TTLL7: variants seen among roughly 807,000 people sequenced by gnomAD.
The protein encoded by TTLL7 is tubulin tyrosine ligase like 7.
In TTLL7, 53 loss-of-function variants were observed where a neutral mutation model predicts 120.2. That is an observed-to-expected ratio of 0.44 (90% CI 0.35 to 0.55). The LOEUF is 0.55. Among genes scored for constraint, TTLL7 ranks in the 20% least tolerant of loss-of-function variants. The pLI, the probability that TTLL7 is intolerant of heterozygous loss-of-function variation, is 0.00. For missense variants in TTLL7, 803 were observed against 1,054.7 expected (o/e 0.76, Z 3.31); for synonymous variants, 353 against 351.7 (o/e 1.00, Z -0.04).
At chr1:83,969,108 C>G (rs1446875499) in intron 1 of TTLL7, among the ~76,000 whole-genome samples, 1 of 151,904 alleles carries the variant, frequency 6.6e-6, no homozygotes. Context: ...AGAACACCAT[C>G]TGATGATATT....
chr1:83,991,538 G>A (rs1463970166), intron 1 of TTLL7, among the ~76,000 whole-genome samples: 1 of 152,112 alleles, frequency 6.6e-6, no homozygotes, highest in Non-Finnish European at 1.5e-5. Flanking sequence ...CAGCTACTCA[G>A]GGGGCTGAGG....
intron 1 of TTLL7, among the ~76,000 whole-genome samples, chr1:83,985,392 C>T (rs181944367): frequency 3.3e-5 from 5 of 152,314 alleles, no homozygotes; most frequent in Admixed American, 2.6e-4. Context: ...CTTCTGGCTG[C>T]TTTGTTCTAG....
At chr1:83,947,348 G>T in intron 5 of TTLL7, 66 bp from the exon 6 acceptor site, 2 of 1,395,968 alleles carry the variant, frequency 1.4e-6, no homozygotes, top group Non-Finnish European at 1.9e-6. Context: ...CTTTCTCTGG[G>T]CTACTGATAT....
At chr1:83,931,015 T>A (rs1659556472) in intron 9 of TTLL7, among the ~76,000 whole-genome samples, 1 of 150,974 alleles carries the variant, frequency 6.6e-6, no homozygotes, top group Non-Finnish European at 1.5e-5. Context: ...TTTTTTTTTT[T>A]AAGTTTTATG....
chr1:83,944,682 T>C (rs1475027202), intron 6 of TTLL7, among the ~76,000 whole-genome samples: 1 of 152,184 alleles, frequency 6.6e-6, no homozygotes, highest in Non-Finnish European at 1.5e-5. Context: ...CACTCCAGCC[T>C]GGGTGACTGA....
At chr1:83,892,928 G>GAGAAAGAAAGAAAGAAAGAA (rs1553129435) in intron 18 of TTLL7, among the ~76,000 whole-genome samples, 4 of 102,668 alleles carry the variant, frequency 3.9e-5, no homozygotes, top group African/African-American at 2.3e-4. Context: ...GAAAGAAAAA[G>GAGAAAGAAAGAAAGAAAGAA]AGAAAGAAAG....
At chr1:83,982,433 CTG>C (rs1652050648) in intron 1 of TTLL7, among the ~76,000 whole-genome samples, 1 of 151,782 alleles carries the variant, frequency 6.6e-6, no homozygotes, top group Non-Finnish European at 1.5e-5. Context: ...ATCAATGAAA[CTG>C]AAAACAGGAA....
chr1:83,895,379 C>G (rs1656122121), intron 18 of TTLL7, among the ~76,000 whole-genome samples: 1 of 152,138 alleles, frequency 6.6e-6, no homozygotes, highest in Non-Finnish European at 1.5e-5. Context: ...CTGTTCTAAG[C>G]ACTTTTACAT....
At chr1:83,873,177 AC>A (rs1259654748) in intron 20 of TTLL7, among the ~76,000 whole-genome samples, 1 of 152,202 alleles carries the variant, frequency 6.6e-6, no homozygotes, top group African/African-American at 2.4e-5. Flanking sequence ...AAAAGATGAA[AC>A]TTTTTATTAA....
chr1:83,953,231 T>G (rs1343276286), intron 1 of TTLL7, among the ~76,000 whole-genome samples: 1 of 152,222 alleles, frequency 6.6e-6, no homozygotes, highest in African/African-American at 2.4e-5. Flanking sequence ...AACGTAGGCA[T>G]TTATGCCCTA....
rs575010012 is a variant in TTLL7, at chr1:83,996,592, T to C, written c.-177+2339A>G. Among the ~76,000 whole-genome samples, 3 of 152,322 alleles carry C rather than the reference T, an allele frequency of 2.0e-5. No homozygotes were observed. The South Asian group carries it at 6.2e-4, about 32-fold the overall frequency. On this transcript the variant is annotated intron_variant, in intron 1 of 20. Coordinates refer to ENST00000260505, the MANE Select transcript of TTLL7 (RefSeq NM_024686.6). ...TTCTCTTAAGGTACCGCTATAGCAG[T>C]AGGTCTGCACCACCCTTTTCTGGTA...
At chr1:83,872,523 G>A (rs940358940) in intron 20 of TTLL7, among the ~76,000 whole-genome samples, 1 of 152,184 alleles carries the variant, frequency 6.6e-6, no homozygotes, top group Non-Finnish European at 1.5e-5. Flanking sequence ...TAGTAGTTGA[G>A]AGTTATTCTA....
At chr1:83,943,956 G>T (rs952110003) in intron 6 of TTLL7, among the ~76,000 whole-genome samples, 1 of 151,906 alleles carries the variant, frequency 6.6e-6, no homozygotes, top group Admixed American at 6.6e-5. Context: ...AGAAAATTGG[G>T]AAAAAATAAA....
chr1:83,930,481 C>A (rs1052618009), intron 9 of TTLL7, among the ~76,000 whole-genome samples: 1 of 152,090 alleles, frequency 6.6e-6, no homozygotes, highest in Non-Finnish European at 1.5e-5. Flanking sequence ...CAATAACATC[C>A]ATTTATTATA....
rs1053224885 is a variant in TTLL7, at chr1:83,942,774, G to A, written c.507-95C>T. ...ACTCAAATGGAAAATAGTGGAGTAA[G>A]GGACTCCAAAAGTCTGTCCCTCCAC... On this transcript the variant is annotated intron_variant, in intron 6 of 20. Transcript: ENST00000260505. The A allele has an allele frequency of 5.0e-5, 43 of 862,686 alleles. No homozygotes were observed. In the African/African-American group the frequency reaches 7.2e-4, roughly 14 times the overall value. 53.4% of individuals were successfully genotyped at this position (862,686 alleles called of 1,614,324 possible).
chr1:83,916,517 C>T (rs1658202262), intron 14 of TTLL7, among the ~76,000 whole-genome samples: 1 of 151,366 alleles, frequency 6.6e-6, no homozygotes, highest in South Asian at 2.1e-4. Flanking sequence ...GGAGGGATAG[C>T]ATTAGGAGAA....
intron 3 of TTLL7, 42 bp downstream of exon 3, chr1:83,951,803 A>G: frequency 2.6e-6 from 4 of 1,567,492 alleles, no homozygotes; most frequent in Non-Finnish European, 3.4e-6. Context: ...CAGTTTTTCC[A>G]GCAATTATGA....
chr1:83,897,363 GCAAA>G lies in TTLL7; in HGVS notation c.2208+6712_2208+6715del, dbSNP rs546876340. On this transcript the variant is annotated intron_variant, in intron 18 of 20. Coordinates refer to ENST00000260505, the MANE Select transcript of TTLL7 (RefSeq NM_024686.6). ...ATCTGTTGAATGCATGATTAAGTGA[GCAAA>G]TAAATGAATGAGTAAACAACTCTCA... Among the ~76,000 whole-genome samples, 529 of 152,194 alleles carry G rather than the reference GCAAA, an allele frequency of 3.5e-3. 3 individuals carry two copies. The highest frequency in any genetic ancestry group is 0.012 in the African/African-American group (517 of 41,564).
At chr1:83,942,788 C>A in intron 6 of TTLL7, 109 bp from the exon 7 acceptor site, 1 of 749,236 alleles carries the variant, frequency 1.3e-6, no homozygotes, top group Non-Finnish European at 2.1e-6. Flanking sequence ...CTCCAAAAGT[C>A]TGTCCCTCCA....
Sources: allele counts gnomAD v4.1 joint callset (sites outside exome capture counted in the v4.1 genomes callset), GRCh38; gene constraint gnomAD v4.1.1; transcripts MANE v1.5; gene names NCBI Gene and HGNC (gene_info 2026-07-23, HGNC 2026-07-21).